ACOXL: variants seen among roughly 807,000 people sequenced by gnomAD.
ACOXL encodes the protein acyl-CoA oxidase like.
In ACOXL, 70 loss-of-function variants were observed where a neutral mutation model predicts 71.9. The observed-to-expected ratio is 0.97, with a 90% CI of 0.80 to 1.19. ACOXL has a LOEUF of 1.19. Among genes scored for constraint, ACOXL ranks in the 50% most tolerant of loss-of-function variants. The pLI, the probability that ACOXL is intolerant of heterozygous loss-of-function variation, is 0.00. For missense variants in ACOXL, 703 were observed against 736.3 expected, an observed-to-expected ratio of 0.95 and a Z score of 0.52; for synonymous variants, 253 against 281.6, an observed-to-expected ratio of 0.90 and a Z score of 1.02.
intron 2 of ACOXL, among the ~76,000 whole-genome samples, chr2:110,774,614 C>G (rs1245962240): frequency 6.6e-6 from 1 of 152,008 alleles, no homozygotes; most frequent in African/African-American, 2.4e-5. Flanking sequence ...ATAGACTTAA[C>G]CAAGGAGGTA....
intron 10 of ACOXL, among the ~76,000 whole-genome samples, chr2:110,865,488 G>A (rs1173108191): frequency 1.3e-5 from 2 of 152,230 alleles, no homozygotes; most frequent in East Asian, 1.9e-4. Flanking sequence ...TCGAAGGAGT[G>A]ATGAGTCACC....
At position 110,841,373 on chromosome 2, in the gene ACOXL, T is replaced by C; in HGVS notation, c.756T>C (p.Leu252=). 1 of 1,609,086 alleles carries C rather than the reference T, an allele frequency of 6.2e-7. No homozygotes were observed. The highest frequency in any genetic ancestry group is 8.5e-7 in the Non-Finnish European group (1 of 1,176,524). Residue 252 remains leucine, a splice_region_variant and synonymous_variant, in exon 10 of 18, where the codon CTT becomes CTC. Coordinates refer to ENST00000439055, the MANE Select transcript of ACOXL (RefSeq NM_001142807.4). The stretch of plus-strand genomic sequence containing the variant: ...TTTTTCTCTCTTTTTAATTACAGCT[T>C]GGGTTGACGATAGCCATTCGCTATA... The part of the protein sequence containing the change: ...VAFQAMGAMK[L]GLTIAIRYSH...
chr2:110,876,982 A>G (rs1347131983), intron 10 of ACOXL, among the ~76,000 whole-genome samples: 2 of 152,172 alleles, frequency 1.3e-5, no homozygotes, highest in Non-Finnish European at 2.9e-5. Context: ...AAGTCTCTCT[A>G]CTACTCCCCA....
intron 10 of ACOXL, among the ~76,000 whole-genome samples, chr2:110,847,060 G>A (rs1327845067): frequency 6.6e-6 from 1 of 152,038 alleles, no homozygotes; most frequent in African/African-American, 2.4e-5. Context: ...TTGGCTTGAG[G>A]TTTTTGGGTG....
At chr2:111,044,356 G>C (rs79712633) in intron 15 of ACOXL, among the ~76,000 whole-genome samples, 2,109 of 152,334 alleles carry the variant, frequency 0.014, 53 homozygotes, top group African/African-American at 0.048. Flanking sequence ...TAAGGTATTT[G>C]GGTCAGGAAA....
chr2:110,851,315 C>CT (rs1692571916), intron 10 of ACOXL, among the ~76,000 whole-genome samples: 1 of 152,142 alleles, frequency 6.6e-6, no homozygotes, highest in Non-Finnish European at 1.5e-5. Flanking sequence ...CTCTGGATCA[C>CT]TTTTTTGAGG....
At chr2:110,951,911 T>G (rs2061346732) in intron 12 of ACOXL, among the ~76,000 whole-genome samples, 1 of 152,242 alleles carries the variant, frequency 6.6e-6, no homozygotes. Flanking sequence ...TTCTGCTCTG[T>G]GATTATGAAT....
chr2:110,950,659 G>T (rs2061292901), intron 12 of ACOXL, among the ~76,000 whole-genome samples: 1 of 152,178 alleles, frequency 6.6e-6, no homozygotes, highest in African/African-American at 2.4e-5. Flanking sequence ...AAGGTTGGTG[G>T]CAGGGAGATG....
intron 16 of ACOXL, among the ~76,000 whole-genome samples, chr2:111,067,472 A>T (rs1368519809): frequency 6.6e-6 from 1 of 152,240 alleles, no homozygotes; most frequent in African/African-American, 2.4e-5. Flanking sequence ...AAGTCAAGCT[A>T]ATTCTCCGGA....
intron 1 of ACOXL, among the ~76,000 whole-genome samples, chr2:110,764,033 A>G (rs1680729286): frequency 6.6e-6 from 1 of 152,194 alleles, no homozygotes; most frequent in South Asian, 2.1e-4. Flanking sequence ...AATCCAGAAC[A>G]CTGACAACAC....
At chr2:110,751,379 A>G (rs147480856) in intron 1 of ACOXL, among the ~76,000 whole-genome samples, 92 of 152,032 alleles carry the variant, frequency 6.1e-4, no homozygotes, top group East Asian at 1.7e-3. Flanking sequence ...TATATCCACT[A>G]CCTAGATTCT....
chr2:111,001,025 G>C (rs2063601950), intron 14 of ACOXL, among the ~76,000 whole-genome samples: 5 of 152,160 alleles, frequency 3.3e-5, no homozygotes. Context: ...TGAAGCCCAA[G>C]GCATGACTGT....
chr2:110,829,061 T>C (rs1477939770), intron 9 of ACOXL, among the ~76,000 whole-genome samples: 1 of 152,238 alleles, frequency 6.6e-6, no homozygotes, highest in Non-Finnish European at 1.5e-5. Context: ...TCTGCCTGCA[T>C]TGGCCTCCCA....
At chr2:110,941,504 G>T (rs1165321413) in intron 12 of ACOXL, among the ~76,000 whole-genome samples, 1 of 152,118 alleles carries the variant, frequency 6.6e-6, no homozygotes, top group Non-Finnish European at 1.5e-5. Context: ...TATTTCTGGG[G>T]CTGTTTTTGT....
intron 16 of ACOXL, among the ~76,000 whole-genome samples, chr2:111,072,272 T>C (rs907565307): frequency 2.0e-5 from 3 of 152,252 alleles, no homozygotes; most frequent in Non-Finnish European, 4.4e-5. Context: ...TGGTAACCAA[T>C]GATCTATTAT....
chr2:110,799,151 C>T (rs1685637146), intron 7 of ACOXL, 51 bp downstream of exon 7: 1 of 1,546,954 alleles, frequency 6.5e-7, no homozygotes, highest in Non-Finnish European at 8.9e-7. Context: ...ACCTGCTCCC[C>T]ACCTGACTCA....
intron 9 of ACOXL, among the ~76,000 whole-genome samples, chr2:110,814,478 A>G (rs375454337): frequency 4.6e-5 from 7 of 152,200 alleles, no homozygotes; most frequent in African/African-American, 1.7e-4. Flanking sequence ...TTTGCCTACC[A>G]TAATGAAATT....
At chr2:111,048,665 T>TC (rs1301778612) in intron 15 of ACOXL, among the ~76,000 whole-genome samples, 2 of 152,138 alleles carry the variant, frequency 1.3e-5, no homozygotes, top group African/African-American at 4.8e-5. Flanking sequence ...TTTTTTTTTT[T>TC]CTCGTAAATC....
intron 9 of ACOXL, among the ~76,000 whole-genome samples, chr2:110,820,266 A>T (rs900594357): frequency 2.6e-5 from 4 of 152,162 alleles, no homozygotes; most frequent in Admixed American, 6.5e-5. Context: ...GTCTGAGCCC[A>T]GATGGGAAAG....
Sources: gnomAD v4.1 joint callset for allele counts (sites outside exome capture counted in the v4.1 genomes callset) on GRCh38, gnomAD v4.1.1 for gene constraint, MANE v1.5 for transcripts, NCBI Gene and HGNC (gene_info 2026-07-23, HGNC 2026-07-21) for gene names.